Variants in MAGI2 observed in about 807,000 individuals in gnomAD.
MAGI2 encodes the protein membrane associated guanylate kinase, WW and PDZ domain containing 2, also known as membrane-associated guanylate kinase, WW and PDZ domain-containing protein 2.
MAGI2 carries 35 observed loss-of-function variants against 133.3 expected under a neutral mutation model. That is an observed-to-expected ratio of 0.26 (90% CI 0.20 to 0.35). MAGI2 has a LOEUF of 0.35. MAGI2 is among the 10% of genes least tolerant of loss of function. The pLI is 1.00. For missense variants in MAGI2, 1,636 were observed against 1,863.4 expected (o/e 0.88, Z 2.25); for synonymous variants, 729 against 710.6 (o/e 1.03, Z -0.41).
chr7:78,275,741 A>G (rs1346492352), intron 9 of MAGI2, among the ~76,000 whole-genome samples: 2 of 152,228 alleles, frequency 1.3e-5, no homozygotes, highest in African/African-American at 2.4e-5. Flanking sequence ...AAAAGGCAGA[A>G]GAATTATTAG....
At chr7:79,073,478 C>A (rs921835026) in intron 1 of MAGI2, among the ~76,000 whole-genome samples, 1 of 152,034 alleles carries the variant, frequency 6.6e-6, no homozygotes, top group African/African-American at 2.4e-5. Flanking sequence ...TATGTTCATT[C>A]CCTTGAAGAC....
At chr7:79,024,172 T>C (rs1562800008) in intron 1 of MAGI2, among the ~76,000 whole-genome samples, 1 of 152,006 alleles carries the variant, frequency 6.6e-6, no homozygotes, top group Non-Finnish European at 1.5e-5. Flanking sequence ...AGACTATGAA[T>C]AATTCCCCAC....
chr7:78,742,096 C>CT (rs953477907), intron 2 of MAGI2, among the ~76,000 whole-genome samples: 1 of 151,704 alleles, frequency 6.6e-6, no homozygotes, highest in Admixed American at 6.6e-5. Flanking sequence ...AAAATTGGAA[C>CT]TTTTTTTTAT....
At chr7:79,441,599 T>C (rs1343176772) in intron 1 of MAGI2, among the ~76,000 whole-genome samples, 1 of 152,138 alleles carries the variant, frequency 6.6e-6, no homozygotes, top group Non-Finnish European at 1.5e-5. Context: ...ATTTTGCACA[T>C]TCATATATAG....
rs538312240 is a variant in MAGI2, at chr7:79,394,985, A to G, written c.301+58035T>C. Among the ~76,000 whole-genome samples, 7 of 152,336 alleles carry G rather than the reference A, an allele frequency of 4.6e-5. No individual in the cohort carries two copies. In the East Asian group the frequency reaches 1.3e-3, roughly 29 times the overall value. On this transcript the variant is annotated intron_variant, in intron 1 of 21. Transcript: ENST00000354212. The stretch of plus-strand genomic sequence containing the variant: ...TTTTGCACTTCAATTTTCTGAATAG[A>G]TACAGAAATATGAAATTCTGAGAAA...
At chr7:79,230,500 G>A (rs1012363977) in intron 1 of MAGI2, among the ~76,000 whole-genome samples, 1 of 151,726 alleles carries the variant, frequency 6.6e-6, no homozygotes, top group African/African-American at 2.4e-5. Context: ...GGTGTGAGAT[G>A]GTATCTCATT....
intron 1 of MAGI2, among the ~76,000 whole-genome samples, chr7:79,112,623 C>T (rs1262830955): frequency 6.6e-6 from 1 of 152,208 alleles, no homozygotes; most frequent in Non-Finnish European, 1.5e-5. Context: ...ATCTATGTCA[C>T]ACAATTTGCC....
Position 78,298,476 on chromosome 7 carries a change from G to C in MAGI2, c.1409-41895C>G, listed in dbSNP as rs145901702. On this transcript the variant is annotated intron_variant, in intron 9 of 21. Coordinates refer to ENST00000354212, the MANE Select transcript of MAGI2 (RefSeq NM_012301.4). ...GGTGTTGGGTATATGGGAGCTCTCT[G>C]TACTGTCTTCACAATTTTTCTATAA... 3.3e-4 allele frequency among the ~76,000 whole-genome samples: 51 copies of C among 152,288 alleles called. No homozygotes were observed. In the East Asian group the frequency reaches 4.2e-3, roughly 13 times the overall value.
At chr7:78,911,633 T>C (rs1410721272) in intron 2 of MAGI2, among the ~76,000 whole-genome samples, 5 of 149,954 alleles carry the variant, frequency 3.3e-5, no homozygotes, top group Non-Finnish European at 5.9e-5. Context: ...TAAGGCAGTA[T>C]CTAAATTTTA....
intron 2 of MAGI2, among the ~76,000 whole-genome samples, chr7:79,003,609 C>G (rs1161357019): frequency 6.6e-6 from 1 of 152,166 alleles, no homozygotes; most frequent in Non-Finnish European, 1.5e-5. Flanking sequence ...ATTCCATACT[C>G]AATACCAACA....
Position 79,353,460 on chromosome 7 carries a change from C to T in MAGI2, c.301+99560G>A, listed in dbSNP as rs143510500. 8.7e-4 allele frequency: 398 copies of T among 456,180 alleles called. 1 individual carries two copies. The highest frequency in any genetic ancestry group is 7.5e-3 in the African/African-American group (374 of 50,170). 28.3% of individuals were successfully genotyped at this position (456,180 alleles called of 1,614,324 possible). On this transcript the variant is annotated intron_variant, in intron 1 of 21. Transcript: ENST00000354212. ...CAAGATACATTTTGGAACCCCAGGA[C>T]AATCCTGAACTGGCACCCGCCCTGG...
chr7:79,157,934 T>TTGTATGAG (rs1238092625), intron 1 of MAGI2, among the ~76,000 whole-genome samples: 12 of 61,998 alleles, frequency 1.9e-4, no homozygotes, highest in African/African-American at 5.3e-4. Flanking sequence ...TACAGAATCT[T>TTGTATGAG]TGTGTGAGTG....
intron 1 of MAGI2, among the ~76,000 whole-genome samples, chr7:79,445,431 A>G (rs999558945): frequency 3.3e-5 from 5 of 152,242 alleles, no homozygotes; most frequent in African/African-American, 1.2e-4. Context: ...CAAAGGGCTA[A>G]TATCCAGAAT....
chr7:79,346,516 T>C (rs1194017959), intron 1 of MAGI2, among the ~76,000 whole-genome samples: 1 of 151,990 alleles, frequency 6.6e-6, no homozygotes, highest in African/African-American at 2.4e-5. Flanking sequence ...CTATTTTATC[T>C]TGCTCATCAG....
intron 14 of MAGI2, among the ~76,000 whole-genome samples, chr7:78,176,668 G>C (rs1472620316): frequency 6.6e-6 from 1 of 151,934 alleles, no homozygotes; most frequent in African/African-American, 2.4e-5. Context: ...TTTCTGCCCA[G>C]GTTTTATTTT....
At chr7:79,053,129 C>T (rs1024676345) in intron 1 of MAGI2, among the ~76,000 whole-genome samples, 1 of 151,970 alleles carries the variant, frequency 6.6e-6, no homozygotes, top group Non-Finnish European at 1.5e-5. Flanking sequence ...CCCACCACCA[C>T]GCCCGGCTAA....
At position 78,256,248 on chromosome 7, in the gene MAGI2, G is replaced by A. The variant is rs529343649; in HGVS notation, c.1742C>T (p.Thr581Met). 9 of 1,614,056 alleles carry A rather than the reference G, an allele frequency of 5.6e-6. No individual in the cohort carries two copies. Among genetic ancestry groups the A allele is most frequent in the East Asian group, 4.5e-5 (2 of 44,814 alleles). ...GTCATCATGGACGGGCGGTGGATAC[G>A]TGCCGTCTAGCTGACCATCAGTTGG... ...SMPTDGQLDG[T>M]YPPPVHDDNV... The change falls in exon 10 of 22, where the codon ACG becomes ATG. Residue 581 changes from threonine to methionine, a missense_variant. Thr to Met is a moderately conservative substitution (Grantham distance 81). Coordinates refer to ENST00000354212, the MANE Select transcript of MAGI2 (RefSeq NM_012301.4).
chr7:78,570,501 C>A (rs77316366), intron 3 of MAGI2, among the ~76,000 whole-genome samples: 3,480 of 152,214 alleles, frequency 0.023, 60 homozygotes, highest in East Asian at 0.086. Context: ...AGTAAAAGAA[C>A]AGCCTTTAAT....
At chr7:78,318,494 T>C (rs918129197) in intron 9 of MAGI2, among the ~76,000 whole-genome samples, 4 of 152,220 alleles carry the variant, frequency 2.6e-5, no homozygotes, top group Non-Finnish European at 4.4e-5. Flanking sequence ...CTGCATTTGA[T>C]TGGTGTAACT....
Sources: allele counts gnomAD v4.1 joint callset (sites outside exome capture counted in the v4.1 genomes callset), GRCh38; gene constraint gnomAD v4.1.1; transcripts MANE v1.5; gene names NCBI Gene and HGNC (gene_info 2026-07-23, HGNC 2026-07-21).